ATR: variants seen among roughly 807,000 people sequenced by gnomAD.
ATR encodes the protein ATR checkpoint kinase, also known as serine/threonine-protein kinase ATR.
Under a neutral mutation model 305.3 loss-of-function variants are expected in ATR, and 142 were observed. The ratio of observed to expected loss-of-function variants is 0.47; its 90% CI spans 0.41 to 0.53. The LOEUF (loss-of-function observed/expected upper bound fraction) is 0.53. Ranked by LOEUF, ATR falls within the 20% of genes least tolerant of loss-of-function variation. The pLI is 0.00. For synonymous variants in ATR, 1,050 were observed against 1,068.1 expected (o/e 0.98, Z 0.33); for missense variants, 2,135 against 3,133.1 (o/e 0.68, Z 7.60).
At chr3:142,526,443 C>T (rs968508563) in intron 21 of ATR, among the ~76,000 whole-genome samples, 16 of 151,880 alleles carry the variant, frequency 1.1e-4, no homozygotes, top group African/African-American at 3.4e-4. Flanking sequence ...CTAAATAGTG[C>T]AGATAATAGG....
At chr3:142,505,040 T>A (rs1041543418) in intron 29 of ATR, 99 bp downstream of exon 29, 2 of 1,436,214 alleles carry the variant, frequency 1.4e-6, no homozygotes, top group Admixed American at 1.8e-5. Context: ...CGAGACTCTG[T>A]CTCAAAAACA....
intron 1 of ATR, among the ~76,000 whole-genome samples, chr3:142,577,763 C>T (rs777940191): frequency 7.2e-5 from 11 of 152,188 alleles, no homozygotes; most frequent in African/African-American, 9.7e-5. Context: ...GGTAGCAGCA[C>T]AAGCTTATTT....
intron 36 of ATR, among the ~76,000 whole-genome samples, chr3:142,472,689 G>A (rs2071316906): frequency 6.6e-6 from 1 of 151,934 alleles, no homozygotes; most frequent in Non-Finnish European, 1.5e-5. Context: ...CTGGGCTGGA[G>A]TGCAGTGATA....
At chr3:142,477,661 T>G (rs1032222202) in intron 36 of ATR, among the ~76,000 whole-genome samples, 3 of 152,188 alleles carry the variant, frequency 2.0e-5, no homozygotes, top group East Asian at 1.9e-4. Context: ...AGTTTCAGAA[T>G]GAATGGTACC....
In ATR at chr3:142,489,442, T is replaced by C. The variant is rs2031149746; in HGVS notation, c.6078+3690A>G. On this transcript the variant is annotated intron_variant, in intron 35 of 46. Coordinates refer to ENST00000350721, the MANE Select transcript of ATR (RefSeq NM_001184.4). ...AACATTCCTAACTCTCGAAAGTTCT[T>C]ATGGGCGCCCACCCTTGCCGTCACT... 2.6e-5 allele frequency among the ~76,000 whole-genome samples: 4 copies of C among 152,328 alleles called. No individual in the cohort carries two copies. The South Asian group carries it at 8.3e-4, about 32-fold the overall frequency.
At chr3:142,558,805 TA>T in intron 7 of ATR, 29 bp from the exon 8 acceptor site, 1 of 1,575,828 alleles carries the variant, frequency 6.3e-7, no homozygotes, top group South Asian at 1.1e-5. Flanking sequence ...AGTCATTAAT[TA>T]TAACTTTTCC....
At position 142,547,778 on chromosome 3, in the gene ATR, A is replaced by G. The variant is rs1176336373; in HGVS notation, c.3304T>C (p.Ser1102Pro). ...GGGCCCTGATATGGATCATCACTGG[A>G]TGCAAATGAGGCAAGTATTGACAAA... ...NGLSILASFA[S>P]SDDPYQGPRD... The change falls in exon 16 of 47, where the codon TCC becomes CCC. Residue 1102 changes from serine (S) to proline (P), a missense_variant. By Grantham distance (74) the Ser-to-Pro change is moderately conservative. Around this residue, in one of 9 missense-constraint regions of ATR, gnomAD observed 530 missense variants for 766.8 expected, o/e 0.69. Coordinates refer to ENST00000350721, the MANE Select transcript of ATR (RefSeq NM_001184.4). The G allele has an allele frequency of 6.2e-7, 1 of 1,613,892 alleles. No homozygotes were observed. The highest frequency in any genetic ancestry group is 1.3e-5 in the African/African-American group (1 of 74,920).
chr3:142,553,197 C>A (rs1335097788), intron 13 of ATR, 30 bp downstream of exon 13: 1 of 1,608,108 alleles, frequency 6.2e-7, no homozygotes, highest in African/African-American at 1.3e-5. Flanking sequence ...ACTGCTGTTG[C>A]CTATAGTCCA....
rs757006178 is a variant in ATR, at chr3:142,561,298, G to A, written c.1294C>T (p.Arg432Cys). Residue 432 changes from arginine to cysteine, a missense_variant, in exon 5 of 47, where the codon CGT (arginine) becomes TGT (cysteine). Physicochemically the swap from Arg to Cys is radical, Grantham distance 180. Transcript: ENST00000350721. ...SNSDGISPKR[R>C]RLSSSLNPSK... Reference sequence around the variant, plus strand: ...GGGTTTAGAGACGAGCTGAGACGACGCCTTTTGGGTGATATTCCATCACTA... The same window carrying A: ...GGGTTTAGAGACGAGCTGAGACGACACCTTTTGGGTGATATTCCATCACTA... 15 of 1,613,896 alleles carry A rather than the reference G, an allele frequency of 9.3e-6. No homozygotes were observed. The highest frequency in any genetic ancestry group is 1.6e-4 in the Middle Eastern group (1 of 6,080).
chr3:142,552,669 CAA>C (rs143475912), intron 13 of ATR, among the ~76,000 whole-genome samples: 2 of 93,296 alleles, frequency 2.1e-5, no homozygotes, highest in Admixed American at 1.3e-4. Flanking sequence ...TACTCCATCT[CAA>C]AAAAAAAAAA....
chr3:142,556,667 T>C, intron 8 of ATR, 92 bp from the exon 9 acceptor site: 1 of 1,125,378 alleles, frequency 8.9e-7, no homozygotes, highest in Non-Finnish European at 1.3e-6. Flanking sequence ...AACATTTGTG[T>C]ATACATATAT....
Position 142,519,423 on chromosome 3 carries a change from T to A in ATR, c.4382+246A>T, listed in dbSNP as rs2033047362. Among the ~76,000 whole-genome samples, 3 of 151,994 alleles carry A rather than the reference T, an allele frequency of 2.0e-5. No homozygotes were observed. In the South Asian group the frequency reaches 6.3e-4, roughly 32 times the overall value. On this transcript the variant is annotated intron_variant, in intron 24 of 46. Transcript: ENST00000350721. ...TTCAAGTGATTCTCCTGCCCCAGCC[T>A]CCCAAGTAGCTGGGATTACAGATGT...
rs1488928264 is a variant in ATR, at chr3:142,469,585, A to G, written c.6320-16T>C. On this transcript the variant is annotated splice_polypyrimidine_tract_variant and intron_variant, in intron 37 of 46. Coordinates refer to ENST00000350721, the MANE Select transcript of ATR (RefSeq NM_001184.4). ...GAGCGGCCAGCTGGGGGAAGAAATA[A>G]GTTTAAAAAACAATAAAGGAAAGAG... 6.9e-6 allele frequency: 11 copies of G among 1,586,300 alleles called. No homozygotes were observed. The highest frequency in any genetic ancestry group is 9.5e-6 in the Non-Finnish European group (11 of 1,155,234).
At chr3:142,510,512 T>C (rs910564165) in intron 27 of ATR, among the ~76,000 whole-genome samples, 1 of 151,966 alleles carries the variant, frequency 6.6e-6, no homozygotes, top group African/African-American at 2.4e-5. Flanking sequence ...AATATAAAAA[T>C]ATATTAATAG....
chr3:142,566,369 T>G, intron 2 of ATR, 108 bp from the exon 3 acceptor site: 1 of 1,260,342 alleles, frequency 7.9e-7, no homozygotes, highest in South Asian at 1.3e-5. Context: ...CTGTAACCCC[T>G]GTACTTTGGG....
intron 4 of ATR, among the ~76,000 whole-genome samples, 190 bp downstream of exon 4, chr3:142,562,042 A>G (rs2034900210): frequency 6.6e-6 from 1 of 152,168 alleles, no homozygotes; most frequent in African/African-American, 2.4e-5. Flanking sequence ...AACTTAATGA[A>G]CAAATCCTTC....
At chr3:142,528,538 T>C (rs1320547590) in intron 21 of ATR, among the ~76,000 whole-genome samples, 1 of 152,148 alleles carries the variant, frequency 6.6e-6, no homozygotes, top group Admixed American at 6.6e-5. Context: ...TTTCCACTTA[T>C]CTGGATAATT....
chr3:142,555,066 T>C (rs1366196464), intron 10 of ATR, among the ~76,000 whole-genome samples: 4 of 149,930 alleles, frequency 2.7e-5, no homozygotes, highest in Non-Finnish European at 4.5e-5. Context: ...TGAAACCCTG[T>C]CTCTACTAAA....
chr3:142,449,566 G>A lies in ATR; in HGVS notation c.7798C>T (p.Gln2600Ter), dbSNP rs2108242565. Residue 2600 changes from glutamine to a stop codon, truncating the protein, a stop_gained, in exon 47 of 47, where the codon CAA becomes TAA. Coordinates refer to ENST00000350721, the MANE Select transcript of ATR (RefSeq NM_001184.4). LOFTEE classifies it high-confidence loss of function. Reference protein sequence around the residue: ...THVLDIEQRLQGVIKTRNRVT... With the variant: ...THVLDIEQRL The stretch of plus-strand genomic sequence containing the variant: ...CTATTTCGAGTCTTGATTACACCTT[G>A]TAGTCGCTGCTCAATGTCAAGAACA... 6.2e-7 allele frequency: 1 copy of A among 1,614,118 alleles called. No homozygotes were observed. The highest frequency in any genetic ancestry group is 1.7e-5 in the Admixed American group (1 of 60,030).
Sources: allele counts gnomAD v4.1 joint callset (sites outside exome capture counted in the v4.1 genomes callset), GRCh38; gene constraint gnomAD v4.1.1; regional missense constraint gnomAD v4.1.1; transcripts MANE v1.5; gene names NCBI Gene and HGNC (gene_info 2026-07-23, HGNC 2026-07-21).